The following ZNF385D variants were observed in gnomAD, a reference collection of about 807,000 sequenced individuals.
ZNF385D encodes the protein zinc finger protein 659.
Under a neutral mutation model 35.8 loss-of-function variants are expected in ZNF385D, and 15 were observed. The ratio of observed to expected loss-of-function variants is 0.42; its 90% CI spans 0.28 to 0.64. The LOEUF (loss-of-function observed/expected upper bound fraction) is 0.64, where lower values mean the gene tolerates loss of function less well. Among genes scored for constraint, ZNF385D ranks in the 30% least tolerant of loss-of-function variants. ZNF385D has a pLI of 0.23. For missense variants in ZNF385D, 474 were observed against 494.6 expected (o/e 0.96, Z 0.39); for synonymous variants, 212 against 186.8 (o/e 1.13, Z -1.10).
chr3:21,528,359 C>T (rs2061832627), intron 3 of ZNF385D, among the ~76,000 whole-genome samples: 1 of 152,112 alleles, frequency 6.6e-6, no homozygotes, highest in Admixed American at 6.5e-5. Context: ...CACAGCCAGA[C>T]TACACTTCTC....
chr3:22,193,328 T>G (rs1488952084), intron 2 of ZNF385D, among the ~76,000 whole-genome samples: 1 of 152,092 alleles, frequency 6.6e-6, no homozygotes, highest in Admixed American at 6.6e-5. Flanking sequence ...TTAGTCATTG[T>G]TTGTACACAT....
chr3:22,151,146 A>G (rs1274357696), intron 3 of ZNF385D, among the ~76,000 whole-genome samples: 4 of 152,180 alleles, frequency 2.6e-5, no homozygotes, highest in Non-Finnish European at 5.9e-5. Flanking sequence ...AGGACATCAC[A>G]CATCATTTCT....
chr3:21,748,503 G>T (rs539732042), intron 1 of ZNF385D, among the ~76,000 whole-genome samples: 1 of 152,204 alleles, frequency 6.6e-6, no homozygotes, highest in East Asian at 1.9e-4. Context: ...CAATTCACCC[G>T]TACCATAGCA....
rs796400641 is a variant in ZNF385D, at chr3:22,164,253, G to A, written c.325+4564C>T. Reference sequence around the variant, plus strand: ...TTTTTTTTTTTTTTTTTTTTGAGACGGGGTCTCACTCTGTTGCCAGGTTGT... The same window carrying A: ...TTTTTTTTTTTTTTTTTTTTGAGACAGGGTCTCACTCTGTTGCCAGGTTGT... On this transcript the variant is annotated intron_variant, in intron 3 of 5. Coordinates refer to the ZNF385D transcript ENST00000494108. 9.4e-5 allele frequency among the ~76,000 whole-genome samples: 8 copies of A among 84,716 alleles called. No individual in the cohort carries two copies. In the South Asian group the frequency reaches 9.9e-4, roughly 10 times the overall value. The allele number at this position is 84,716 out of a possible 152,430, so 55.6% of individuals were successfully genotyped here.
rs890171606 is a variant in ZNF385D, at chr3:21,670,957, C to T, written c.23-5929G>A. Among the ~76,000 whole-genome samples the T allele has an allele frequency of 5.3e-5, 8 of 152,042 alleles. No individual in the cohort carries two copies. The East Asian group carries it at 9.7e-4, about 18-fold the overall frequency. ...CTTCTTGCTCAGTCTAGGGAGAATA[C>T]GCAGTGAAGGTTTTTGTGTCCTCTG... On this transcript the variant is annotated intron_variant, in intron 1 of 7. Coordinates refer to ENST00000281523, the MANE Select transcript of ZNF385D (RefSeq NM_024697.3).
chr3:21,617,771 T>G (rs2064890559), intron 2 of ZNF385D, among the ~76,000 whole-genome samples: 1 of 152,180 alleles, frequency 6.6e-6, no homozygotes, highest in African/African-American at 2.4e-5. Flanking sequence ...GTGCCCTTGG[T>G]ACGATGTTTG....
At chr3:21,669,508 A>T (rs1205276820) in intron 1 of ZNF385D, among the ~76,000 whole-genome samples, 1 of 152,224 alleles carries the variant, frequency 6.6e-6, no homozygotes, top group Non-Finnish European at 1.5e-5. Context: ...GTATTTGTTA[A>T]TAGAGACTGA....
chr3:21,532,349 A>C (rs901791101), intron 3 of ZNF385D, among the ~76,000 whole-genome samples: 4 of 152,182 alleles, frequency 2.6e-5, no homozygotes, highest in African/African-American at 9.7e-5. Context: ...TAGCATTGTA[A>C]TATATCAGTG....
chr3:21,741,416 C>T (rs935152448), intron 1 of ZNF385D, among the ~76,000 whole-genome samples: 2 of 152,160 alleles, frequency 1.3e-5, no homozygotes, highest in African/African-American at 4.8e-5. Flanking sequence ...GACCTCTAAG[C>T]TATAGCCCAC....
At chr3:22,212,274 C>G (rs1389067191) in intron 2 of ZNF385D, among the ~76,000 whole-genome samples, 1 of 151,994 alleles carries the variant, frequency 6.6e-6, no homozygotes, top group African/African-American at 2.4e-5. Context: ...TCTGCTGTAC[C>G]CATCTATCAA....
At chr3:21,695,238 G>A (rs1174820279) in intron 1 of ZNF385D, among the ~76,000 whole-genome samples, 1 of 152,180 alleles carries the variant, frequency 6.6e-6, no homozygotes, top group Non-Finnish European at 1.5e-5. Context: ...GTGTAATGGA[G>A]TTATTTTTCT....
At chr3:21,681,316 A>AAC (rs1553636417) in intron 1 of ZNF385D, among the ~76,000 whole-genome samples, 1 of 141,676 alleles carries the variant, frequency 7.1e-6, no homozygotes, top group Non-Finnish European at 1.6e-5. Flanking sequence ...AAAAAAAAAA[A>AAC]AAAAAAAACC....
intron 3 of ZNF385D, among the ~76,000 whole-genome samples, chr3:21,848,605 T>C (rs7645782): frequency 0.038 from 5,834 of 152,076 alleles, 386 homozygotes; most frequent in African/African-American, 0.13. Flanking sequence ...CTAATGTGAA[T>C]GATTACACAT....
chr3:22,269,116 C>A (rs1056987229), intron 2 of ZNF385D, among the ~76,000 whole-genome samples: 2 of 151,916 alleles, frequency 1.3e-5, no homozygotes, highest in African/African-American at 4.8e-5. Context: ...ACAGCTTATA[C>A]CCTGCCAATG....
At chr3:22,058,482 A>C (rs1181892132) in intron 3 of ZNF385D, among the ~76,000 whole-genome samples, 3 of 152,182 alleles carry the variant, frequency 2.0e-5, no homozygotes, top group Non-Finnish European at 4.4e-5. Context: ...GAACTGGATA[A>C]TGGCTATCAC....
chr3:21,877,523 A>G (rs1037717139), intron 3 of ZNF385D, among the ~76,000 whole-genome samples: 14 of 152,098 alleles, frequency 9.2e-5, no homozygotes, highest in Admixed American at 2.6e-4. Context: ...CCATATAAAT[A>G]TAAGGCACAA....
intron 3 of ZNF385D, among the ~76,000 whole-genome samples, chr3:21,810,381 G>A (rs2072863057): frequency 6.6e-6 from 1 of 151,826 alleles, no homozygotes; most frequent in East Asian, 1.9e-4. Context: ...GTCGGGGGTG[G>A]GGGCTGGGGG....
rs527631371 is a variant in ZNF385D, at chr3:22,249,361, T to G, written c.107-80326A>C. Among the ~76,000 whole-genome samples the G allele has an allele frequency of 1.2e-4, 19 of 152,254 alleles. No homozygotes were observed. The East Asian group carries it at 3.7e-3, about 29-fold the overall frequency. On this transcript the variant is annotated intron_variant, in intron 2 of 5. Coordinates refer to the ZNF385D transcript ENST00000494108. ...AGTAGGCACTTAGTAACAGAAAATA[T>G]TTTTGTTACACGGTTCATCAGAAAC...
intron 2 of ZNF385D, among the ~76,000 whole-genome samples, chr3:22,289,891 T>C (rs1702211036): frequency 6.6e-6 from 1 of 152,094 alleles, no homozygotes; most frequent in South Asian, 2.1e-4. Flanking sequence ...GTATGTCAGC[T>C]CAGTTAACTC....
Sources: gnomAD v4.1 joint callset for allele counts (sites outside exome capture counted in the v4.1 genomes callset) on GRCh38, gnomAD v4.1.1 for gene constraint, MANE v1.5 for transcripts, NCBI Gene and HGNC (gene_info 2026-07-23, HGNC 2026-07-21) for gene names.